STIM1: variants seen among roughly 807,000 people sequenced by gnomAD.
STIM1 encodes stromal interaction molecule 1.
STIM1 carries 25 observed loss-of-function variants against 74.7 expected under a neutral mutation model. The observed-to-expected ratio is 0.33, with a 90% CI of 0.24 to 0.47. STIM1 has a LOEUF of 0.47. Ranked by LOEUF, STIM1 falls within the 20% of genes least tolerant of loss-of-function variation. The probability of loss-of-function intolerance (pLI) is 1.00; values close to 1 mark genes in which losing one functional copy is unlikely to be tolerated. For missense variants in STIM1, 728 were observed against 920.8 expected (o/e 0.79, Z 2.71); for synonymous variants, 328 against 348.8 (o/e 0.94, Z 0.66).
intron 2 of STIM1, among the ~76,000 whole-genome samples, chr11:3,971,792 T>C (rs2093398647): frequency 1.3e-5 from 2 of 152,176 alleles, no homozygotes; most frequent in Non-Finnish European, 2.9e-5. Context: ...ATGCCAAACA[T>C]TTATAACCTT....
At chr11:4,008,802 T>C (rs531900594) in intron 2 of STIM1, among the ~76,000 whole-genome samples, 1 of 152,022 alleles carries the variant, frequency 6.6e-6, no homozygotes, top group Admixed American at 6.6e-5. Context: ...CATGCACACA[T>C]GGGGAGAGCA....
At chr11:3,877,612 T>C (rs1296923408) in intron 1 of STIM1, among the ~76,000 whole-genome samples, 1 of 152,088 alleles carries the variant, frequency 6.6e-6, no homozygotes, top group Admixed American at 6.6e-5. Context: ...TAGAGCAGAG[T>C]GTGTTTGCTT....
At chr11:3,870,427 A>G (rs2091038519) in intron 1 of STIM1, among the ~76,000 whole-genome samples, 1 of 152,214 alleles carries the variant, frequency 6.6e-6, no homozygotes, top group Non-Finnish European at 1.5e-5. Context: ...ATTTGCAAAA[A>G]AGGGAATATT....
At chr11:3,980,537 G>A (rs953386264) in intron 2 of STIM1, among the ~76,000 whole-genome samples, 7 of 151,112 alleles carry the variant, frequency 4.6e-5, no homozygotes, top group Admixed American at 1.3e-4. Flanking sequence ...CAGCTACTTG[G>A]TTGAGACAGG....
At chr11:4,024,790 A>T (rs868590402) in intron 3 of STIM1, among the ~76,000 whole-genome samples, 5 of 148,512 alleles carry the variant, frequency 3.4e-5, no homozygotes, top group Admixed American at 2.0e-4. Context: ...CATGATTACC[A>T]TTTTTTTTTT....
intron 1 of STIM1, among the ~76,000 whole-genome samples, chr11:3,874,245 A>G (rs900647482): frequency 6.6e-6 from 1 of 152,188 alleles, no homozygotes; most frequent in Non-Finnish European, 1.5e-5. Context: ...CTGTTCTAGT[A>G]GCCCTCAAAT....
intron 1 of STIM1, among the ~76,000 whole-genome samples, chr11:3,924,812 A>T (rs1200616303): frequency 6.6e-6 from 1 of 152,090 alleles, no homozygotes; most frequent in South Asian, 2.1e-4. Flanking sequence ...ATTTTCTATC[A>T]TTTTAAAAAA....
chr11:3,866,579 A>G (rs753416193), intron 1 of STIM1, among the ~76,000 whole-genome samples: 5 of 152,044 alleles, frequency 3.3e-5, no homozygotes, highest in Non-Finnish European at 5.9e-5. Flanking sequence ...GGTGCGTGCC[A>G]CCATGCCCAG....
intron 1 of STIM1, among the ~76,000 whole-genome samples, chr11:3,920,988 G>T (rs941141799): frequency 2.6e-5 from 4 of 151,986 alleles, no homozygotes; most frequent in Non-Finnish European, 5.9e-5. Context: ...TAGAGACGGG[G>T]TTTCACCATG....
chr11:4,000,165 C>T (rs1281533021), intron 2 of STIM1, among the ~76,000 whole-genome samples: 1 of 149,964 alleles, frequency 6.7e-6, no homozygotes, highest in Non-Finnish European at 1.5e-5. Flanking sequence ...AGGGCACAGA[C>T]AAACAAAAAG....
chr11:4,053,528 C>T (rs1334045782), intron 3 of STIM1, among the ~76,000 whole-genome samples: 2 of 146,452 alleles, frequency 1.4e-5, no homozygotes, highest in Admixed American at 1.4e-4. Context: ...GGGAATTGAA[C>T]AGTGAGAACA....
chr11:3,977,812 A>G (rs1694918930), intron 2 of STIM1, among the ~76,000 whole-genome samples: 1 of 152,142 alleles, frequency 6.6e-6, no homozygotes, highest in African/African-American at 2.4e-5. Context: ...TAATGTATGT[A>G]AAGCCCCTAG....
intron 3 of STIM1, among the ~76,000 whole-genome samples, chr11:4,053,237 AC>A (rs1410343985): frequency 3.9e-5 from 6 of 152,198 alleles, no homozygotes; most frequent in Non-Finnish European, 7.3e-5. Flanking sequence ...CTGGGTATAT[AC>A]CCAAAGGATT....
At chr11:3,942,456 C>T (rs1008439115) in intron 1 of STIM1, among the ~76,000 whole-genome samples, 2 of 152,140 alleles carry the variant, frequency 1.3e-5, no homozygotes, top group Admixed American at 1.3e-4. Flanking sequence ...GAACCATAGA[C>T]AGTTGCCCTC....
chr11:4,084,929 A>T (rs1158715503), intron 11 of STIM1, among the ~76,000 whole-genome samples, 164 bp downstream of exon 11: 1 of 152,088 alleles, frequency 6.6e-6, no homozygotes, highest in East Asian at 1.9e-4. Flanking sequence ...CGGGGGTGAG[A>T]AGAATCAGCT....
intron 2 of STIM1, among the ~76,000 whole-genome samples, chr11:3,993,787 AC>A (rs1314361443): frequency 6.6e-6 from 1 of 152,230 alleles, no homozygotes; most frequent in African/African-American, 2.4e-5. Flanking sequence ...CATTCCTGGC[AC>A]CCAGATCTTC....
intron 3 of STIM1, among the ~76,000 whole-genome samples, chr11:4,039,223 T>C (rs2094128375): frequency 6.6e-6 from 1 of 152,032 alleles, no homozygotes; most frequent in Admixed American, 6.6e-5. Context: ...GCCCCAGAGG[T>C]TGAGGCTACA....
chr11:4,010,102 A>C (rs1010352116), intron 2 of STIM1, among the ~76,000 whole-genome samples: 5 of 152,046 alleles, frequency 3.3e-5, no homozygotes, highest in African/African-American at 1.2e-4. Flanking sequence ...GGCATGAGCC[A>C]TGGAGCCCAA....
chr11:3,992,450 A>G (rs2093626023), intron 2 of STIM1, among the ~76,000 whole-genome samples: 1 of 151,946 alleles, frequency 6.6e-6, no homozygotes, highest in Admixed American at 6.6e-5. Context: ...ACCTTTACTT[A>G]TTTTTAAATT....
Sources: allele counts gnomAD v4.1 joint callset (sites outside exome capture counted in the v4.1 genomes callset), GRCh38; gene constraint gnomAD v4.1.1; transcripts MANE v1.5; gene names NCBI Gene and HGNC (gene_info 2026-07-23, HGNC 2026-07-21).